Variants in PTPN3 observed in about 807,000 individuals in gnomAD.
The protein encoded by PTPN3 is protein tyrosine phosphatase non-receptor type 3.
PTPN3 carries 96 observed loss-of-function variants against 132.7 expected under a neutral mutation model. The ratio of observed to expected loss-of-function variants is 0.72; its 90% CI spans 0.61 to 0.86. PTPN3 has a LOEUF of 0.86. PTPN3 is among the 40% of genes least tolerant of loss of function. The pLI is 0.00. For synonymous variants in PTPN3, 398 were observed against 429.0 expected (o/e 0.93, Z 0.89); for missense variants, 1,125 against 1,159.6 (o/e 0.97, Z 0.43).
intron 12 of PTPN3, among the ~76,000 whole-genome samples, chr9:109,426,369 A>C (rs1346037923): frequency 6.6e-6 from 1 of 151,684 alleles, no homozygotes; most frequent in Non-Finnish European, 1.5e-5. Flanking sequence ...TATTTTGAAT[A>C]TCATTCCTGT....
At chr9:109,387,318 C>T (rs559755611) in intron 22 of PTPN3, among the ~76,000 whole-genome samples, 25 of 152,318 alleles carry the variant, frequency 1.6e-4, no homozygotes, top group African/African-American at 5.8e-4. Context: ...CGAAGAGCCT[C>T]GTTGCCTAAG....
In PTPN3 at chr9:109,468,661, C is replaced by T. The variant is rs149505425; in HGVS notation, c.-17-5210G>A. ...GATTACAGGCGTGAGCCACCGCGCCCGGCTGTGAATACAGTTTTTAATCAA... is the reference window on the plus strand; with the variant it reads ...GATTACAGGCGTGAGCCACCGCGCCTGGCTGTGAATACAGTTTTTAATCAA... On this transcript the variant is annotated intron_variant, in intron 1 of 25. Coordinates refer to ENST00000374541, the MANE Select transcript of PTPN3 (RefSeq NM_002829.4). 1.4e-3 allele frequency among the ~76,000 whole-genome samples: 211 copies of T among 152,324 alleles called. 2 individuals carry two copies. Among genetic ancestry groups the T allele is most frequent in the African/African-American group, 4.8e-3 (199 of 41,580 alleles).
intron 7 of PTPN3, among the ~76,000 whole-genome samples, chr9:109,438,490 T>C (rs1163227407): frequency 6.6e-6 from 1 of 152,184 alleles, no homozygotes; most frequent in Non-Finnish European, 1.5e-5. Context: ...GGGAGAAAAT[T>C]AGGAGACGGT....
At chr9:109,450,163 T>TAG (rs1209066187) in intron 5 of PTPN3, 41 of 984,780 alleles carry the variant, frequency 4.2e-5, no homozygotes, top group Non-Finnish European at 4.7e-5. Context: ...ATATTATTAC[T>TAG]TTGATTATAA....
chr9:109,487,658 C>T (rs532468488), intron 1 of PTPN3, among the ~76,000 whole-genome samples: 8 of 152,216 alleles, frequency 5.3e-5, no homozygotes, highest in South Asian at 2.1e-4. Flanking sequence ...TACATGAAAA[C>T]GAAAAGAAGA....
chr9:109,406,315 G>T, intron 18 of PTPN3, 147 bp downstream of exon 18: 1 of 1,113,366 alleles, frequency 9.0e-7, no homozygotes, highest in Non-Finnish European at 1.3e-6. Flanking sequence ...CAAGTGAGAA[G>T]CCAAACATTC....
the PTPN3 span, among the ~76,000 whole-genome samples, chr9:109,509,004 G>C: frequency 2.6e-5 from 4 of 152,074 alleles, no homozygotes; most frequent in Non-Finnish European, 5.9e-5. Context: ...GACTAGCCTG[G>C]GTAACATAGT....
In PTPN3 at chr9:109,445,299, G is replaced by A. The variant is rs1844775025; in HGVS notation, c.414-7C>T. ...GTTAAGAGGGCAGGTTAACCTGTCA[G>A]GAGAAAAACATATTAGCAAAGTCAC... On this transcript the variant is annotated splice_region_variant and splice_polypyrimidine_tract_variant and intron_variant, in intron 6 of 25. Coordinates refer to ENST00000374541, the MANE Select transcript of PTPN3 (RefSeq NM_002829.4). The A allele has an allele frequency of 6.2e-7, 1 of 1,611,878 alleles. No individual in the cohort carries two copies. The highest frequency in any genetic ancestry group is 1.3e-5 in the African/African-American group (1 of 74,896).
At chr9:109,481,745 T>C (rs1037074969) in intron 1 of PTPN3, among the ~76,000 whole-genome samples, 3 of 152,306 alleles carry the variant, frequency 2.0e-5, no homozygotes, top group Middle Eastern at 3.4e-3. Context: ...ATCTATGGAA[T>C]GCATGAATAA....
Position 109,404,638 on chromosome 9 carries a change from T to C in PTPN3, c.1793-30A>G, listed in dbSNP as rs200068022. ...AACGTACAAGACAGTGCATCTGACTTGTGTAGCAATACTCAGGTTTATCCG... is the reference window on the plus strand; with the variant it reads ...AACGTACAAGACAGTGCATCTGACTCGTGTAGCAATACTCAGGTTTATCCG... On this transcript the variant is annotated intron_variant, in intron 18 of 25. Transcript: ENST00000374541. 5.0e-6 allele frequency: 7 copies of C among 1,411,314 alleles called. No individual in the cohort carries two copies. The East Asian group carries it at 1.0e-4, about 20-fold the overall frequency. 87.4% of individuals were successfully genotyped at this position (1,411,314 alleles called of 1,614,324 possible). A position where few individuals can be genotyped will look rare whatever the true frequency, so the allele number is the denominator to read the frequency against.
chr9:109,429,198 G>A (rs150163858), intron 10 of PTPN3, among the ~76,000 whole-genome samples: 6 of 152,242 alleles, frequency 3.9e-5, no homozygotes, highest in Non-Finnish European at 7.4e-5. Context: ...TCCCCTCAAC[G>A]AAGCCCTGCA....
rs75865226 is a variant in PTPN3, at chr9:109,450,024, A to G, written c.369-1169T>C. The G allele has an allele frequency of 1.2e-3, 1,208 of 983,268 alleles. 10 individuals carry two copies. In the African/African-American group the frequency reaches 0.02, roughly 16 times the overall value. The allele number at this position is 983,268 out of a possible 1,614,324, so 60.9% of individuals were successfully genotyped here. On this transcript the variant is annotated intron_variant, in intron 5 of 25. Coordinates refer to ENST00000374541, the MANE Select transcript of PTPN3 (RefSeq NM_002829.4). ...TTTACAGATGACAAAATCGGAGCTC[A>G]GATAGGATATGTGAGGTCAATTGTG...
intron 17 of PTPN3, 70 bp from the exon 18 acceptor site, chr9:109,406,688 G>A (rs1386888005): frequency 1.5e-5 from 23 of 1,572,234 alleles, no homozygotes; most frequent in South Asian, 5.8e-5. Context: ...ACGCTGACTC[G>A]CTCTGCTCCC....
the PTPN3 span, chr9:109,534,263 C>G: frequency 6.5e-7 from 1 of 1,538,062 alleles, no homozygotes; most frequent in Non-Finnish European, 8.8e-7. Context: ...GTGGTGTCAC[C>G]GGCGCTGAGG....
At chr9:109,417,422 G>A (rs187218748) in intron 14 of PTPN3, among the ~76,000 whole-genome samples, 49 of 152,196 alleles carry the variant, frequency 3.2e-4, no homozygotes, top group African/African-American at 1.2e-3. Flanking sequence ...TTATTCATCC[G>A]ATTTCTCTGA....
Position 109,410,091 on chromosome 9 carries a change from G to C in PTPN3, c.1501-15C>G. The C allele has an allele frequency of 6.2e-7, 1 of 1,614,198 alleles. No individual in the cohort carries two copies. Among genetic ancestry groups the C allele is most frequent in the Non-Finnish European group, 8.5e-7 (1 of 1,180,032 alleles). On this transcript the variant is annotated splice_polypyrimidine_tract_variant and intron_variant, in intron 15 of 25. Coordinates refer to ENST00000374541, the MANE Select transcript of PTPN3 (RefSeq NM_002829.4). ...CCATTATCATTCTGGAAAACGGTTT[G>C]AAAGTGGTCATTTGCATCACATCTC...
chr9:109,487,283 C>T (rs1178851972), intron 1 of PTPN3, among the ~76,000 whole-genome samples: 1 of 152,246 alleles, frequency 6.6e-6, no homozygotes, highest in East Asian at 1.9e-4. Context: ...GATATGAGAA[C>T]CTGCCTCTGG....
chr9:109,421,300 G>C (rs1395523283), intron 13 of PTPN3, among the ~76,000 whole-genome samples: 1 of 152,254 alleles, frequency 6.6e-6, no homozygotes, highest in South Asian at 2.1e-4. Flanking sequence ...CTGGGCGTCA[G>C]CTCCTGCAGC....
chr9:109,501,366 C>A (rs142799330), upstream of PTPN3, among the ~76,000 whole-genome samples: 1 of 152,214 alleles, frequency 6.6e-6, no homozygotes, highest in African/African-American at 2.4e-5. Flanking sequence ...GGACACACTG[C>A]CTCTCTGTGT....
Sources: allele counts gnomAD v4.1 joint callset (sites outside exome capture counted in the v4.1 genomes callset), GRCh38; gene constraint gnomAD v4.1.1; transcripts MANE v1.5; gene names NCBI Gene and HGNC (gene_info 2026-07-23, HGNC 2026-07-21).